Variants in RRAS2 observed in about 807,000 individuals in gnomAD.
The protein encoded by RRAS2 is RAS related 2, also known as ras-related protein R-Ras2.
Under a neutral mutation model 27.6 loss-of-function variants are expected in RRAS2, and 7 were observed. The observed-to-expected ratio is 0.25, with a 90% confidence interval of 0.14 to 0.48. The LOEUF (loss-of-function observed/expected upper bound fraction) is 0.48, where lower values mean the gene tolerates loss of function less well. RRAS2 is among the 20% of genes least tolerant of loss of function. The pLI is 0.99. For missense variants in RRAS2, 178 were observed against 256.2 expected, an observed-to-expected ratio of 0.69 and a Z score of 2.08; for synonymous variants, 86 against 90.9, an observed-to-expected ratio of 0.95 and a Z score of 0.31.
chr11:14,289,889 T>C (rs562517444), intron 4 of RRAS2, among the ~76,000 whole-genome samples: 50 of 152,162 alleles, frequency 3.3e-4, no homozygotes, highest in Admixed American at 2.0e-3. Flanking sequence ...TGGCATTTAT[T>C]ATCTACAAGA....
At chr11:14,360,779 G>A (rs1010713577), upstream of RRAS2, among the ~76,000 whole-genome samples, 8 of 151,872 alleles carry the variant, frequency 5.3e-5, no homozygotes, top group African/African-American at 1.7e-4. Context: ...AAATTAGTCC[G>A]GAGTGGTGGC....
chr11:14,281,785 G>C (rs1264151701), intron 4 of RRAS2, 65 bp from the exon 5 acceptor site: 2 of 1,356,608 alleles, frequency 1.5e-6, no homozygotes, highest in Non-Finnish European at 2.0e-6. Context: ...ATCTAATCCT[G>C]GCCACAGATT....
chr11:14,295,626 C>G (rs782283088), intron 2 of RRAS2, 142 bp downstream of exon 2: 5 of 580,962 alleles, frequency 8.6e-6, no homozygotes, highest in Non-Finnish European at 1.4e-5. Flanking sequence ...GCAGACTCTT[C>G]AATCAAAACT....
chr11:14,290,159 G>C (rs1219705954), intron 4 of RRAS2, among the ~76,000 whole-genome samples: 2 of 152,182 alleles, frequency 1.3e-5, no homozygotes, highest in Non-Finnish European at 2.9e-5. Context: ...ATGTTAAAAA[G>C]GTAAAAACCG....
intron 1 of RRAS2, among the ~76,000 whole-genome samples, chr11:14,328,296 G>A (rs1554951373): frequency 6.6e-6 from 1 of 150,714 alleles, no homozygotes; most frequent in East Asian, 1.9e-4. Flanking sequence ...AACCCAGGAG[G>A]TGGAGGTTGC....
At chr11:14,328,668 A>G in intron 1 of RRAS2, among the ~76,000 whole-genome samples, 1 of 146,334 alleles carries the variant, frequency 6.8e-6, no homozygotes, top group Middle Eastern at 3.5e-3. Flanking sequence ...ACATACACCA[A>G]TTTTTTTTTT....
At chr11:14,302,329 C>T (rs1039147755) in intron 1 of RRAS2, among the ~76,000 whole-genome samples, 2 of 152,090 alleles carry the variant, frequency 1.3e-5, no homozygotes, top group African/African-American at 2.4e-5. Context: ...TTATGATAAA[C>T]CAAAATGAGA....
chr11:14,337,463 T>C (rs1325625215), intron 1 of RRAS2, among the ~76,000 whole-genome samples: 1 of 152,218 alleles, frequency 6.6e-6, no homozygotes, highest in African/African-American at 2.4e-5. Context: ...AACATCACAA[T>C]GCCTACATCA....
At chr11:14,290,459 A>T (rs1246635686) in intron 4 of RRAS2, among the ~76,000 whole-genome samples, 1 of 152,190 alleles carries the variant, frequency 6.6e-6, no homozygotes, top group Non-Finnish European at 1.5e-5. Context: ...GGGGGGAAAA[A>T]AAAGGTAAAA....
chr11:14,330,608 A>G (rs1357219652), intron 1 of RRAS2, among the ~76,000 whole-genome samples: 1 of 152,206 alleles, frequency 6.6e-6, no homozygotes, highest in African/African-American at 2.4e-5. Context: ...ATCATTTCAG[A>G]TTCCCTGAAA....
In RRAS2 at chr11:14,279,346, G is replaced by A. The variant is rs1849456488; in HGVS notation, c.606C>T (p.Val202=). ...TAAAACTGAAGGGATTCTAGAAAAT[G>A]ACACAATGGCAGCCTTTCTTGTCTT... ...KEKDKKGCHC[V]IF Residue 202 remains valine (V), a synonymous_variant, in exon 6 of 6, where the codon GTC becomes GTT. Coordinates refer to ENST00000256196, the MANE Select transcript of RRAS2 (RefSeq NM_012250.6). 2 of 1,606,714 alleles carry A rather than the reference G, an allele frequency of 1.2e-6. No individual in the cohort carries two copies. The highest frequency in any genetic ancestry group is 1.7e-6 in the Non-Finnish European group (2 of 1,173,430).
At chr11:14,287,257 G>A (rs1339639487) in intron 4 of RRAS2, among the ~76,000 whole-genome samples, 3 of 152,146 alleles carry the variant, frequency 2.0e-5, no homozygotes, top group Non-Finnish European at 4.4e-5. Flanking sequence ...AGACAGGTTT[G>A]TCTTTGTACA....
chr11:14,314,067 C>A (rs1848038545), intron 1 of RRAS2, among the ~76,000 whole-genome samples: 1 of 152,178 alleles, frequency 6.6e-6, no homozygotes. Flanking sequence ...ACCTTTAGAA[C>A]CAAAGCCCAT....
intron 1 of RRAS2, among the ~76,000 whole-genome samples, chr11:14,320,657 G>A (rs1848202045): frequency 6.6e-6 from 1 of 152,002 alleles, no homozygotes; most frequent in African/African-American, 2.4e-5. Context: ...GCTAAAACTG[G>A]TTAAAATTAA....
At chr11:14,346,363 A>C (rs1248753072) in intron 1 of RRAS2, among the ~76,000 whole-genome samples, 2 of 152,262 alleles carry the variant, frequency 1.3e-5, no homozygotes, top group African/African-American at 4.8e-5. Context: ...CCCTGAGAAT[A>C]CTAGTGACAG....
chr11:14,333,785 G>A lies in RRAS2; in HGVS notation c.108+24978C>T, dbSNP rs546194371. Among the ~76,000 whole-genome samples, 158 of 152,004 alleles carry A rather than the reference G, an allele frequency of 1.0e-3. 1 individual carries two copies. Among genetic ancestry groups the A allele is most frequent in the African/African-American group, 3.6e-3 (149 of 41,448 alleles). Reference sequence around the variant, plus strand: ...CTGTTTCCCAAGTAGCTGCAACCACGGGCACGTGCCAGCATGCCTGGCTAA... The same window carrying A: ...CTGTTTCCCAAGTAGCTGCAACCACAGGCACGTGCCAGCATGCCTGGCTAA... On this transcript the variant is annotated intron_variant, in intron 1 of 5. Coordinates refer to ENST00000256196, the MANE Select transcript of RRAS2 (RefSeq NM_012250.6).
chr11:14,284,576 A>G, intron 4 of RRAS2, among the ~76,000 whole-genome samples: 1 of 152,146 alleles, frequency 6.6e-6, no homozygotes, highest in Non-Finnish European at 1.5e-5. Flanking sequence ...CCTTCCTATC[A>G]GTTATCGAGA....
At chr11:14,279,616 C>A (rs1436191556) in intron 5 of RRAS2, among the ~76,000 whole-genome samples, 192 bp from the exon 6 acceptor site, 2 of 152,260 alleles carry the variant, frequency 1.3e-5, no homozygotes, top group East Asian at 1.9e-4. Context: ...ACAAGCAGAG[C>A]TATGAAGCTG....
intron 1 of RRAS2, among the ~76,000 whole-genome samples, chr11:14,322,182 G>C (rs553514148): frequency 6.6e-6 from 1 of 151,922 alleles, no homozygotes; most frequent in South Asian, 2.1e-4. Context: ...TGTAATCCTA[G>C]CACTTTGGGA....
Sources: gnomAD v4.1 joint callset for allele counts (sites outside exome capture counted in the v4.1 genomes callset) on GRCh38, gnomAD v4.1.1 for gene constraint, MANE v1.5 for transcripts, NCBI Gene and HGNC (gene_info 2026-07-23, HGNC 2026-07-21) for gene names.